NRXN1: variants seen among roughly 807,000 people sequenced by gnomAD.
NRXN1 encodes neurexin 1.
In NRXN1, 39 loss-of-function variants were observed where a neutral mutation model predicts 150.9. That is an observed-to-expected ratio of 0.26 (90% confidence interval 0.20 to 0.34). NRXN1 has a LOEUF of 0.34. Ranked by LOEUF, NRXN1 falls within the 10% of genes least tolerant of loss-of-function variation. NRXN1 has a pLI of 1.00. For missense variants in NRXN1, 1,815 were observed against 1,949.9 expected (o/e 0.93, Z 1.30); for synonymous variants, 924 against 757.0 (o/e 1.22, Z -3.62).
At chr2:50,447,736 GT>G (rs1491357947) in intron 17 of NRXN1, among the ~76,000 whole-genome samples, 2 of 23,768 alleles carry the variant, frequency 8.4e-5, no homozygotes, top group Non-Finnish European at 1.2e-4. Context: ...GCAGGGGAAC[GT>G]TATATATATA....
intron 8 of NRXN1, among the ~76,000 whole-genome samples, chr2:50,603,961 A>G (rs548848494): frequency 6.6e-6 from 1 of 152,284 alleles, no homozygotes; most frequent in East Asian, 1.9e-4. Context: ...TCTGAAGCAT[A>G]TCTGGTTTGA....
rs150898070 is a variant in NRXN1 at position 50,746,151 on chromosome 2, A to G, written c.833-122536T>C. ...AGAAAAATTGTTATGCATGGTGGGG[A>G]AGTTCTAAAGTTGTTGTACATTATT... On this transcript the variant is annotated intron_variant, in intron 5 of 22. Transcript: ENST00000401669. Among the ~76,000 whole-genome samples the G allele has an allele frequency of 4.7e-4, 72 of 152,186 alleles. No individual in the cohort carries two copies. In the East Asian group the frequency reaches 0.014, roughly 29 times the overall value.
In NRXN1 at chr2:50,779,798, C is replaced by CAAAAT. The variant is rs528404794; in HGVS notation, c.832+142066_832+142070dup. Reference sequence around the variant, plus strand: ...TAAAATAAAATAAAATAAAACAAAACAAAATAAAATAAAATAAAATAAAAT... The same window carrying CAAAAT: ...TAAAATAAAATAAAATAAAACAAAACAAAATAAAATAAAATAAAATAAAATAAAAT... On this transcript the variant is annotated intron_variant, in intron 5 of 22. Transcript: ENST00000401669. 5.6e-3 allele frequency among the ~76,000 whole-genome samples: 842 copies of CAAAAT among 150,304 alleles called. 3 individuals are homozygous for CAAAAT. Among genetic ancestry groups the CAAAAT allele is most frequent in the Middle Eastern group, 0.024 (7 of 292 alleles).
At chr2:50,040,123 A>G (rs1308656018) in intron 21 of NRXN1, among the ~76,000 whole-genome samples, 1 of 152,138 alleles carries the variant, frequency 6.6e-6, no homozygotes, top group Admixed American at 6.6e-5. Flanking sequence ...GTTGTCAGAC[A>G]GAATGTTAAA....
chr2:50,112,254 A>G (rs1702468744), intron 18 of NRXN1, among the ~76,000 whole-genome samples: 1 of 152,174 alleles, frequency 6.6e-6, no homozygotes, highest in African/African-American at 2.4e-5. Context: ...CTGCTGTGCA[A>G]AACACTTTAT....
chr2:50,711,556 G>C (rs1164237455), intron 5 of NRXN1, among the ~76,000 whole-genome samples: 3 of 151,830 alleles, frequency 2.0e-5, no homozygotes, highest in Non-Finnish European at 4.4e-5. Context: ...GGGTGGTCTT[G>C]AACTCCTGAC....
intron 12 of NRXN1, among the ~76,000 whole-genome samples, chr2:50,527,335 T>A (rs573117174): frequency 1.1e-4 from 16 of 152,144 alleles, no homozygotes; most frequent in Non-Finnish European, 2.4e-4. Context: ...GCAAAATGTA[T>A]ATCCTTTTAG....
chr2:49,995,638 G>A (rs1682813810), intron 21 of NRXN1, among the ~76,000 whole-genome samples: 3 of 151,542 alleles, frequency 2.0e-5, no homozygotes, highest in East Asian at 2.0e-4. Context: ...AAAATGAGCC[G>A]GGCGTGGTGG....
intron 2 of NRXN1, among the ~76,000 whole-genome samples, chr2:50,975,338 A>G (rs1695650638): frequency 6.6e-6 from 1 of 152,154 alleles, no homozygotes; most frequent in African/African-American, 2.4e-5. Flanking sequence ...AAGTTTGAGA[A>G]CTGCTAATCT....
chr2:50,646,626 C>T (rs1338401176), intron 5 of NRXN1, among the ~76,000 whole-genome samples: 1 of 149,732 alleles, frequency 6.7e-6, no homozygotes, highest in Non-Finnish European at 1.5e-5. Flanking sequence ...GAACTAGGTT[C>T]AATTATTCAA....
chr2:50,664,777 T>TA (rs574100304), intron 5 of NRXN1, among the ~76,000 whole-genome samples: 2,621 of 134,814 alleles, frequency 0.019, 48 homozygotes, highest in African/African-American at 0.053. Flanking sequence ...TTAACATTCC[T>TA]AAAAAAAAAA....
intron 21 of NRXN1, among the ~76,000 whole-genome samples, chr2:50,049,258 G>C (rs1001360033): frequency 6.6e-6 from 1 of 152,166 alleles, no homozygotes; most frequent in Non-Finnish European, 1.5e-5. Context: ...ATGGCCACAT[G>C]ATGGAAGACA....
At chr2:50,730,675 T>TTTC (rs1554023006) in intron 5 of NRXN1, among the ~76,000 whole-genome samples, 1 of 143,978 alleles carries the variant, frequency 6.9e-6, no homozygotes, top group Admixed American at 6.9e-5. Flanking sequence ...TTGTTTTCTT[T>TTTC]TTTTTTTTTT....
At chr2:50,239,798 A>T (rs1350027240) in intron 17 of NRXN1, among the ~76,000 whole-genome samples, 6 of 147,102 alleles carry the variant, frequency 4.1e-5, no homozygotes, top group Admixed American at 2.1e-4. Context: ...ATCAAGGCCA[A>T]CTGTTATCAT....
chr2:50,278,798 G>A lies in NRXN1; in HGVS notation c.3365-41828C>T, dbSNP rs567970657. ...AACAGGCTGAGATAAGCAACAGCTC[G>A]AAGACTTCTTGGGTTGATTCTAGTA... is the stretch of plus-strand genomic sequence containing the variant. On this transcript the variant is annotated intron_variant, in intron 17 of 22. Coordinates refer to ENST00000401669, the MANE Select transcript of NRXN1 (RefSeq NM_001330078.2). Among the ~76,000 whole-genome samples the A allele has an allele frequency of 5.9e-5, 9 of 152,188 alleles. No individual in the cohort carries two copies. The East Asian group carries it at 9.7e-4, about 16-fold the overall frequency.
At chr2:49,991,567 A>G (rs530912351) in intron 21 of NRXN1, among the ~76,000 whole-genome samples, 57 of 152,334 alleles carry the variant, frequency 3.7e-4, no homozygotes, top group Admixed American at 2.2e-3. Flanking sequence ...AAGGAGAACT[A>G]CAAAACCTTG....
At chr2:50,845,686 G>T (rs1043680573) in intron 5 of NRXN1, among the ~76,000 whole-genome samples, 1 of 152,114 alleles carries the variant, frequency 6.6e-6, no homozygotes, top group Non-Finnish European at 1.5e-5. Flanking sequence ...TATGTCAAGT[G>T]ATACAGTAGC....
chr2:50,038,830 T>C (rs1690470132), intron 21 of NRXN1, among the ~76,000 whole-genome samples: 1 of 144,716 alleles, frequency 6.9e-6, no homozygotes, highest in South Asian at 2.4e-4. Context: ...TTTCTTTCTT[T>C]TTGCCAAAAA....
At chr2:50,692,025 G>C (rs527772014) in intron 5 of NRXN1, among the ~76,000 whole-genome samples, 2 of 152,068 alleles carry the variant, frequency 1.3e-5, no homozygotes, top group African/African-American at 4.8e-5. Context: ...GGGGAGATAC[G>C]TCTGTGTGTG....
Sources: allele counts gnomAD v4.1 joint callset (sites outside exome capture counted in the v4.1 genomes callset), GRCh38; gene constraint gnomAD v4.1.1; transcripts MANE v1.5; gene names NCBI Gene and HGNC (gene_info 2026-07-23, HGNC 2026-07-21).